The following KIF9 variants were observed in gnomAD, a reference collection of about 807,000 sequenced individuals.
KIF9 encodes the protein kinesin-like protein KIF9.
KIF9 carries 68 observed loss-of-function variants against 94.8 expected under a neutral mutation model. The observed-to-expected ratio is 0.72, with a 90% confidence interval of 0.59 to 0.88. The LOEUF is 0.88. KIF9 is among the 40% of genes least tolerant of loss of function. The pLI, the probability that KIF9 is intolerant of heterozygous loss-of-function variation, is 0.00. For missense variants in KIF9, 882 were observed against 982.5 expected (o/e 0.90, Z 1.37); for synonymous variants, 343 against 362.1 (o/e 0.95, Z 0.60).
chr3:47,235,530 C>T lies in KIF9; in HGVS notation c.2305G>A (p.Val769Ile). The change falls in exon 20 of 21, where the codon GTC becomes ATC. Residue 769 changes from valine to isoleucine, a missense_variant. By Grantham distance (29) the Val-to-Ile change is conservative (BLOSUM62 3). Transcript: ENST00000684063. ...PDSISFYNAKVKIEQKHNYLK... is the reference protein window; with the variant it reads ...PDSISFYNAKIKIEQKHNYLK... Reference sequence around the variant, plus strand: ...TGAGTTACCTTCTGCTCTATCTTGACTTTGGCATTGTAGAAGGAGATGGAA... The same window carrying T: ...TGAGTTACCTTCTGCTCTATCTTGATTTTGGCATTGTAGAAGGAGATGGAA... 6.2e-7 allele frequency: 1 copy of T among 1,613,654 alleles called. No homozygotes were observed. The highest frequency in any genetic ancestry group is 8.5e-7 in the Non-Finnish European group (1 of 1,179,528).
chr3:47,238,948 C>T (rs559619478), intron 17 of KIF9, among the ~76,000 whole-genome samples: 2 of 152,346 alleles, frequency 1.3e-5, no homozygotes, highest in African/African-American at 4.8e-5. Flanking sequence ...TAGGCGTGAG[C>T]CACCGCGCCC....
chr3:47,243,595 A>T, intron 15 of KIF9: 1 of 178,016 alleles, frequency 5.6e-6, no homozygotes, highest in Admixed American at 5.8e-5. Context: ...TCTGAGTCAT[A>T]CAGGCTTCCC....
rs1699422428 is a variant in KIF9, at chr3:47,240,877, G to T, written c.1848C>A (p.His616Gln). ...RRKRASETTQ[H>Q]INAIKREIDV... The stretch of plus-strand genomic sequence containing the variant: ...CAATCTCCCGCTTGATGGCATTGAT[G>T]TGCTGTGTGGTCTCGCTGGCCCTTT... The change falls in exon 17 of 21, where the codon CAC becomes CAA. Residue 616 changes from histidine (H) to glutamine (Q), a missense_variant. Coordinates refer to ENST00000684063, the MANE Select transcript of KIF9 (RefSeq NM_182902.4). The T allele has an allele frequency of 6.2e-7, 1 of 1,614,096 alleles. No individual in the cohort carries two copies. Among genetic ancestry groups the T allele is most frequent in the Non-Finnish European group, 8.5e-7 (1 of 1,180,054 alleles).
At chr3:47,236,733 C>T (rs889848559) in intron 17 of KIF9, 114 bp from the exon 18 acceptor site, 6 of 900,858 alleles carry the variant, frequency 6.7e-6, no homozygotes, top group African/African-American at 6.6e-5. Flanking sequence ...CAGGAGACCA[C>T]AGGCAGGGCT....
chr3:47,235,180 T>G (rs140258424), intron 20 of KIF9, among the ~76,000 whole-genome samples: 252 of 152,338 alleles, frequency 1.7e-3, no homozygotes, highest in African/African-American at 5.6e-3. Flanking sequence ...TGTGATCCTC[T>G]GTCCCCTGCC....
intron 13 of KIF9, 113 bp downstream of exon 13, chr3:47,246,084 T>G (rs2107229079): frequency 2.3e-6 from 2 of 851,450 alleles, no homozygotes; most frequent in South Asian, 3.4e-5. Flanking sequence ...GGACTCTGAT[T>G]TGGCTCTTCA....
intron 3 of KIF9, 101 bp downstream of exon 3, chr3:47,275,224 C>A: frequency 1.1e-6 from 1 of 908,214 alleles, no homozygotes; most frequent in Non-Finnish European, 1.7e-6. Context: ...GACAAACATA[C>A]AAATGATAGT....
intron 14 of KIF9, 151 bp from the exon 15 acceptor site, chr3:47,245,075 C>T: frequency 1.9e-6 from 2 of 1,032,212 alleles, no homozygotes; most frequent in East Asian, 5.2e-5. Flanking sequence ...TCAGGCTGTC[C>T]CCTGTAGAGC....
At position 47,273,534 on chromosome 3, in the gene KIF9, C is replaced by T; in HGVS notation, c.366+18G>A. 6.4e-7 allele frequency: 1 copy of T among 1,571,846 alleles called. No individual in the cohort carries two copies. The highest frequency in any genetic ancestry group is 8.7e-7 in the Non-Finnish European group (1 of 1,154,648). ...GAGGGAACCTGTGTGGCATCCCACC[C>T]TTGGGCCCACTCTCTACCTGCTGCA... On this transcript the variant is annotated intron_variant, in intron 4 of 20. Transcript: ENST00000684063.
chr3:47,241,096 G>C, intron 16 of KIF9, 81 bp from the exon 17 acceptor site: 2 of 1,297,400 alleles, frequency 1.5e-6, no homozygotes, highest in Non-Finnish European at 2.2e-6. Context: ...TTTCTTCCCT[G>C]GGACTTCTGT....
At chr3:47,261,573 C>T (rs1267151656) in intron 9 of KIF9, among the ~76,000 whole-genome samples, 1 of 152,198 alleles carries the variant, frequency 6.6e-6, no homozygotes, top group African/African-American at 2.4e-5. Flanking sequence ...AATGAGGAAG[C>T]AGTCTAGGAG....
chr3:47,230,858 T>C (rs535629492), intron 20 of KIF9, among the ~76,000 whole-genome samples: 4 of 151,340 alleles, frequency 2.6e-5, no homozygotes, highest in African/African-American at 7.3e-5. Context: ...GCCAACACGG[T>C]GAAACCCTGT....
chr3:47,241,750 C>CAT (rs1699519384), intron 16 of KIF9, among the ~76,000 whole-genome samples: 1 of 136,654 alleles, frequency 7.3e-6, no homozygotes, highest in Non-Finnish European at 1.5e-5. Flanking sequence ...TGTATATATA[C>CAT]GTATATATAC....
chr3:47,267,066 G>C lies in KIF9; in HGVS notation c.678C>G (p.Ala226=). 1 of 1,613,472 alleles carries C rather than the reference G, an allele frequency of 6.2e-7. No homozygotes were observed. Among genetic ancestry groups the C allele is most frequent in the South Asian group, 1.1e-5 (1 of 91,060 alleles). Residue 226 remains alanine, a splice_region_variant and synonymous_variant, in exon 7 of 21, where the codon GCC becomes GCG. Coordinates refer to ENST00000684063, the MANE Select transcript of KIF9 (RefSeq NM_182902.4). ...SHCIFTIYLE[A]HSRTLSEEKY... The stretch of plus-strand genomic sequence containing the variant: ...TTTCCTCTGATAAGGTCCGGGAATG[G>C]GCCTACAAAACATCCAAGCAGAAGT...
rs372482294 is a variant in KIF9, at chr3:47,258,000, G to A, written c.982-440C>T. 1.2e-4 allele frequency among the ~76,000 whole-genome samples: 18 copies of A among 152,142 alleles called. No individual in the cohort carries two copies. The East Asian group carries it at 2.1e-3, about 18-fold the overall frequency. ...CTCCTGGTTTTCCTTCACATGAAACGTTTCTGCCCCTTCCACAAACCACAG... is the reference window on the plus strand; with the variant it reads ...CTCCTGGTTTTCCTTCACATGAAACATTTCTGCCCCTTCCACAAACCACAG... On this transcript the variant is annotated intron_variant, in intron 9 of 20. Transcript: ENST00000684063.
At chr3:47,276,648 G>C (rs947081591) in intron 2 of KIF9, among the ~76,000 whole-genome samples, 2 of 152,056 alleles carry the variant, frequency 1.3e-5, no homozygotes, top group African/African-American at 4.8e-5. Flanking sequence ...TGAAAACCAT[G>C]TCCAGCAGGA....
At chr3:47,271,717 T>G (rs1250040112) in intron 4 of KIF9, among the ~76,000 whole-genome samples, 1 of 151,794 alleles carries the variant, frequency 6.6e-6, no homozygotes, top group Non-Finnish European at 1.5e-5. Flanking sequence ...TATTTTAGAG[T>G]CTCATCATTT....
chr3:47,245,549 G>A, intron 13 of KIF9, 38 bp from the exon 14 acceptor site: 1 of 1,515,264 alleles, frequency 6.6e-7, no homozygotes. Flanking sequence ...TGTACCTGGG[G>A]CCATGCTGAA....
Position 47,247,459 on chromosome 3 carries a change from T to A in KIF9, c.1147A>T (p.Thr383Ser), listed in dbSNP as rs1364638292. The A allele has an allele frequency of 1.2e-6, 2 of 1,613,452 alleles. No homozygotes were observed. The highest frequency in any genetic ancestry group is 1.3e-5 in the African/African-American group (1 of 75,020). ...HDSLTNRTFV[T>S]YDPMDEIQIA... ...TGGATTTCATCCATGGGGTCATAGG[T>A]CACAAAGGTGCGGTTGGTCTTGAAG... Residue 383 changes from threonine to serine, a missense_variant, in exon 12 of 21, where the codon ACC (threonine) becomes TCC (serine). Physicochemically the swap from Thr to Ser is moderately conservative, Grantham distance 58 (BLOSUM62 1). Coordinates refer to ENST00000684063, the MANE Select transcript of KIF9 (RefSeq NM_182902.4).
Sources: gnomAD v4.1 joint callset for allele counts (sites outside exome capture counted in the v4.1 genomes callset) on GRCh38, gnomAD v4.1.1 for gene constraint, MANE v1.5 for transcripts, NCBI Gene and HGNC (gene_info 2026-07-23, HGNC 2026-07-21) for gene names.